Variants in TRIOBP observed in about 807,000 individuals in gnomAD.
TRIOBP encodes the protein TRIO and F-actin-binding protein.
Under a neutral mutation model 238.8 loss-of-function variants are expected in TRIOBP, and 169 were observed. That is an observed-to-expected ratio of 0.71 (90% CI 0.62 to 0.80). The LOEUF is 0.80. Among genes scored for constraint, TRIOBP ranks in the 30% least tolerant of loss-of-function variants. The pLI is 0.00. For synonymous variants in TRIOBP, 1,150 were observed against 1,274.4 expected (o/e 0.90, Z 2.08); for missense variants, 2,838 against 3,122.6 (o/e 0.91, Z 2.17).
rs765730180 is a variant in TRIOBP at position 37,772,663 on chromosome 22, A to G, written c.6999A>G (p.Thr2333=). The G allele has an allele frequency of 3.0e-5, 48 of 1,614,034 alleles. 1 individual carries two copies. Among genetic ancestry groups the G allele is most frequent in the Non-Finnish European group, 3.6e-5 (42 of 1,180,026 alleles). Residue 2333 remains threonine (T), a synonymous_variant, in exon 23 of 24, where the codon ACA becomes ACG. Transcript: ENST00000644935. ...DVYVELSHIK[T]RSEREIEQLK... ...ATGTGGAGCTGAGCCACATCAAGAC[A>G]CGGTCTGAGCGGGAGATCGAGCAGC...
chr22:37,765,749 G>A lies in TRIOBP; in HGVS notation c.6404G>A (p.Arg2135Gln), dbSNP rs750320361. Residue 2135 changes from arginine (R) to glutamine (Q), a missense_variant, in exon 18 of 24, where the codon CGG (arginine) becomes CAG (glutamine). Around this residue, in one of 5 missense-constraint regions of TRIOBP, gnomAD observed 2,096 missense variants for 2,137.4 expected, o/e 0.98. Coordinates refer to ENST00000644935, the MANE Select transcript of TRIOBP (RefSeq NM_001039141.3). ...GAGGAGCTGCAGCGGCACCACGAGCGGGAGCTGCAGCGCCTGCAGCAGGAG... is the reference window on the plus strand; with the variant it reads ...GAGGAGCTGCAGCGGCACCACGAGCAGGAGCTGCAGCGCCTGCAGCAGGAG... The part of the protein sequence containing the change: ...VMEELQRHHE[R>Q]ELQRLQQEKE... 2.2e-5 allele frequency: 34 copies of A among 1,576,232 alleles called. No individual in the cohort carries two copies. The highest frequency in any genetic ancestry group is 8.1e-5 in the African/African-American group (6 of 74,038).
rs1601639396 is a variant in TRIOBP at position 37,734,609 on chromosome 22, G to T, written c.4273G>T (p.Gly1425Trp). The change falls in exon 9 of 24, where the codon GGG becomes TGG. Residue 1425 changes from glycine (G) to tryptophan (W), a missense_variant. Coordinates refer to ENST00000644935, the MANE Select transcript of TRIOBP (RefSeq NM_001039141.3). The part of the protein sequence containing the change: ...SGQAGPRQPL[G>W]VWQSQEEPPG... Reference sequence around the variant, plus strand: ...CCAAGCAGGCCCAAGACAGCCTCTGGGGGTGTGGCAGAGTCAGGAGGAACC... The same window carrying T: ...CCAAGCAGGCCCAAGACAGCCTCTGTGGGTGTGGCAGAGTCAGGAGGAACC... 3.2e-6 allele frequency: 5 copies of T among 1,582,718 alleles called. No homozygotes were observed. Among genetic ancestry groups the T allele is most frequent in the Non-Finnish European group, 2.6e-6 (3 of 1,164,716 alleles).
intron 10 of TRIOBP, among the ~76,000 whole-genome samples, chr22:37,740,620 G>A (rs895699163): frequency 6.6e-6 from 1 of 152,256 alleles, no homozygotes; most frequent in African/African-American, 2.4e-5. Context: ...CATACCTGTG[G>A]TCTGCACCCC....
intron 23 of TRIOBP, among the ~76,000 whole-genome samples, chr22:37,773,251 C>A (rs529144470): frequency 1.3e-5 from 2 of 152,124 alleles, no homozygotes; most frequent in Non-Finnish European, 2.9e-5. Context: ...AAAGGTCTTA[C>A]TCTGACACCC....
chr22:37,705,564 T>G (rs1304291020), intron 3 of TRIOBP, among the ~76,000 whole-genome samples: 1 of 151,536 alleles, frequency 6.6e-6, no homozygotes, highest in African/African-American at 2.4e-5. Flanking sequence ...GATTCTGAGG[T>G]TTTTTTCTGT....
chr22:37,760,550 G>A (rs1202714301), intron 17 of TRIOBP, among the ~76,000 whole-genome samples: 1 of 152,164 alleles, frequency 6.6e-6, no homozygotes, highest in Middle Eastern at 3.2e-3. Context: ...AGTATCTATT[G>A]CCTTGTCTTT....
intron 13 of TRIOBP, 30 bp downstream of exon 13, chr22:37,755,014 C>G: frequency 6.2e-7 from 1 of 1,611,920 alleles, no homozygotes; most frequent in Non-Finnish European, 8.5e-7. Flanking sequence ...GATGAACCCC[C>G]GGAAGGGCCT....
chr22:37,743,253 G>A (rs1925029603), intron 11 of TRIOBP, among the ~76,000 whole-genome samples: 1 of 152,264 alleles, frequency 6.6e-6, no homozygotes, highest in Non-Finnish European at 1.5e-5. Flanking sequence ...CTGAAGCAGT[G>A]AAATTAGCCC....
rs1464498561 is a variant in TRIOBP, at chr22:37,755,504, C to T, written c.5578-46C>T. On this transcript the variant is annotated intron_variant, in intron 14 of 23. Transcript: ENST00000644935. ...CTGGGGTCCATAGTGGGGAGGGAGT[C>T]ATGCGGCTGGCCATGTGGCAACCTA... 4 of 1,540,330 alleles carry T rather than the reference C, an allele frequency of 2.6e-6. No individual in the cohort carries two copies. In the African/African-American group the frequency reaches 4.1e-5, roughly 16 times the overall value.
At chr22:37,728,061 G>C (rs1569043708) in intron 7 of TRIOBP, among the ~76,000 whole-genome samples, 1 of 152,072 alleles carries the variant, frequency 6.6e-6, no homozygotes, top group Non-Finnish European at 1.5e-5. Context: ...CACCCTAAAG[G>C]GTATGGAATA....
chr22:37,718,642 G>C (rs1382784228), intron 6 of TRIOBP, among the ~76,000 whole-genome samples: 2 of 152,016 alleles, frequency 1.3e-5, no homozygotes, highest in Non-Finnish European at 2.9e-5. Flanking sequence ...CCTAACCCCA[G>C]TGAAACATCA....
At chr22:37,746,302 C>A in intron 11 of TRIOBP, 1 of 1,105,258 alleles carries the variant, frequency 9.0e-7, no homozygotes, top group Non-Finnish European at 1.1e-6. Flanking sequence ...CGGCGGCGGG[C>A]GGCCGAGAGG....
intron 10 of TRIOBP, among the ~76,000 whole-genome samples, chr22:37,739,909 C>T (rs1924853270): frequency 6.6e-6 from 1 of 152,228 alleles, no homozygotes; most frequent in South Asian, 2.1e-4. Context: ...TGGAAAATAT[C>T]TCAACCTACC....
rs375777116 is a variant in TRIOBP, at chr22:37,725,306, A to G, written c.2750A>G (p.Asp917Gly). The stretch of plus-strand genomic sequence containing the variant: ...TTTCCCCTCCGGCCAACTCAGAGTG[A>G]TGGTCCCCGAACCTCTTCCCCATCT... ...ASFPLRPTQS[D>G]GPRTSSPSRS... The change falls in exon 7 of 24, where the codon GAT becomes GGT. Residue 917 changes from aspartate (D) to glycine (G), a missense_variant. Transcript: ENST00000644935. The G allele has an allele frequency of 2.9e-5, 46 of 1,613,762 alleles. No individual in the cohort carries two copies. Among genetic ancestry groups the G allele is most frequent in the Non-Finnish European group, 3.9e-5 (46 of 1,180,006 alleles).
chr22:37,719,998 CCCTTTTT>C (rs1472815465), intron 6 of TRIOBP, among the ~76,000 whole-genome samples: 7 of 13,848 alleles, frequency 5.1e-4, no homozygotes, highest in South Asian at 5.4e-3. Context: ...TCCCCCCCCG[CCCTTTTT>C]TTTTTTTTTT....
At chr22:37,741,437 G>T (rs1924930893) in intron 11 of TRIOBP, among the ~76,000 whole-genome samples, 2 of 152,192 alleles carry the variant, frequency 1.3e-5, no homozygotes, top group Admixed American at 1.3e-4. Flanking sequence ...CAAACATCTG[G>T]CGTTACGTAA....
At chr22:37,750,971 G>T in intron 11 of TRIOBP, 1 of 370,508 alleles carries the variant, frequency 2.7e-6, no homozygotes, top group South Asian at 2.0e-5. Flanking sequence ...CCGGCGCCAG[G>T]AGCGGAGACT....
intron 15 of TRIOBP, among the ~76,000 whole-genome samples, chr22:37,755,941 C>T (rs1201687164): frequency 1.3e-5 from 2 of 152,194 alleles, no homozygotes; most frequent in Non-Finnish European, 2.9e-5. Flanking sequence ...TGTGTCTGTG[C>T]CGTGGGGGCC....
rs2145846078 is a variant in TRIOBP at position 37,738,715 on chromosome 22, A to G, written c.5180A>G (p.Asp1727Gly). The G allele has an allele frequency of 6.2e-7, 1 of 1,613,886 alleles. No individual in the cohort carries two copies. Among genetic ancestry groups the G allele is most frequent in the Middle Eastern group, 1.6e-4 (1 of 6,062 alleles). The change falls in exon 10 of 24, where the codon GAC becomes GGC. Residue 1727 changes from aspartate to glycine, a missense_variant. Physicochemically the swap from Asp to Gly is moderately conservative, Grantham distance 94 (BLOSUM62 -1). Coordinates refer to ENST00000644935, the MANE Select transcript of TRIOBP (RefSeq NM_001039141.3). The part of the protein sequence containing the change: ...QDPLTDQKQA[D>G]SADKRPAEGK... Reference sequence around the variant, plus strand: ...CCCCTGACTGACCAGAAGCAGGCAGACTCGGTAGCTGGGTCATGGGTGTGG... The same window carrying G: ...CCCCTGACTGACCAGAAGCAGGCAGGCTCGGTAGCTGGGTCATGGGTGTGG...
Sources: gnomAD v4.1 joint callset for allele counts (sites outside exome capture counted in the v4.1 genomes callset) on GRCh38, gnomAD v4.1.1 for gene constraint, gnomAD v4.1.1 regional missense constraint, MANE v1.5 for transcripts, NCBI Gene and HGNC (gene_info 2026-07-23, HGNC 2026-07-21) for gene names.